The following ARAP2 variants were observed in gnomAD, a reference collection of about 807,000 sequenced individuals.
ARAP2 encodes the protein ArfGAP with RhoGAP domain, ankyrin repeat and PH domain 2, also known as arf-GAP with Rho-GAP domain, ANK repeat and PH domain-containing protein 2.
Under a neutral mutation model 194.5 loss-of-function variants are expected in ARAP2, and 148 were observed. That is an observed-to-expected ratio of 0.76 (90% CI 0.67 to 0.87). ARAP2 has a LOEUF of 0.87. Ranked by LOEUF, ARAP2 falls within the 40% of genes least tolerant of loss-of-function variation. The pLI is 0.00. For synonymous variants in ARAP2, 695 were observed against 683.5 expected (o/e 1.02, Z -0.26); for missense variants, 2,128 against 1,989.7 (o/e 1.07, Z -1.32).
At chr4:36,146,164 C>T (rs944352070) in intron 19 of ARAP2, among the ~76,000 whole-genome samples, 8 of 151,976 alleles carry the variant, frequency 5.3e-5, no homozygotes, top group African/African-American at 1.9e-4. Flanking sequence ...CTTATCTAAT[C>T]CATCAGCAGA....
intron 1 of ARAP2, among the ~76,000 whole-genome samples, chr4:36,230,016 GT>G (rs202171670): frequency 3.3e-5 from 5 of 152,122 alleles, no homozygotes; most frequent in African/African-American, 9.7e-5. Flanking sequence ...ATCAGAAAGG[GT>G]TTTTTTAAAG....
intron 26 of ARAP2, among the ~76,000 whole-genome samples, chr4:36,110,170 T>C (rs141918420): frequency 6.8e-4 from 103 of 151,972 alleles, no homozygotes; most frequent in Non-Finnish European, 1.2e-3. Flanking sequence ...ACTATTATAG[T>C]TAATTTTATT....
chr4:36,235,918 T>C (rs889464051), intron 1 of ARAP2, among the ~76,000 whole-genome samples: 15 of 152,296 alleles, frequency 9.8e-5, no homozygotes, highest in Admixed American at 3.3e-4. Flanking sequence ...GGCTCATGCC[T>C]GTAATTGCAG....
rs553914440 is a variant in ARAP2 at position 36,080,966 on chromosome 4, A to G, written c.4545-687T>C. On this transcript the variant is annotated intron_variant, in intron 30 of 32. Coordinates refer to ENST00000303965, the MANE Select transcript of ARAP2 (RefSeq NM_015230.4). ...GGGGATGAGGAGAGGGTTGTTCTTT[A>G]TAAGAGGAAAATTTTATAATTGATA... Among the ~76,000 whole-genome samples, 22 of 152,278 alleles carry G rather than the reference A, an allele frequency of 1.4e-4. No homozygotes were observed. In the South Asian group the frequency reaches 2.3e-3, roughly 16 times the overall value.
intron 9 of ARAP2, among the ~76,000 whole-genome samples, chr4:36,012,020 G>A (rs755652401): frequency 1.9e-4 from 29 of 152,076 alleles, no homozygotes; most frequent in Admixed American, 1.2e-3. Context: ...ATTGTGGAAT[G>A]ATCATAAAGG....
chr4:36,024,185 G>A (rs1365684974), intron 5 of ARAP2, among the ~76,000 whole-genome samples: 4 of 152,084 alleles, frequency 2.6e-5, no homozygotes, highest in Non-Finnish European at 5.9e-5. Flanking sequence ...AGCAACTATA[G>A]GGTGAATAGC....
intron 11 of ARAP2, among the ~76,000 whole-genome samples, 168 bp downstream of exon 11, chr4:36,164,746 C>T (rs1734874495): frequency 6.6e-6 from 1 of 152,186 alleles, no homozygotes; most frequent in South Asian, 2.1e-4. Context: ...CCAAGTCATA[C>T]ATAAGAGAAG....
chr4:36,115,236 TG>T (rs975646774), intron 25 of ARAP2, among the ~76,000 whole-genome samples: 38 of 152,022 alleles, frequency 2.5e-4, no homozygotes, highest in Non-Finnish European at 5.9e-5. Flanking sequence ...AGTGCTTTTT[TG>T]GAATATAATT....
chr4:36,225,841 T>C (rs1750182151), intron 2 of ARAP2, among the ~76,000 whole-genome samples: 1 of 152,296 alleles, frequency 6.6e-6, no homozygotes, highest in Admixed American at 6.5e-5. Context: ...TCTTTTGGTA[T>C]ATCAAGGAAT....
chr4:36,177,736 T>A, intron 9 of ARAP2, 91 bp downstream of exon 9: 1 of 1,315,772 alleles, frequency 7.6e-7, no homozygotes, highest in Non-Finnish European at 1.0e-6. Context: ...CAAGACTCTA[T>A]AAGTAAAATC....
At chr4:36,205,700 A>G (rs953932749) in intron 6 of ARAP2, among the ~76,000 whole-genome samples, 1 of 152,168 alleles carries the variant, frequency 6.6e-6, no homozygotes, top group African/African-American at 2.4e-5. Flanking sequence ...GATAGTCTTG[A>G]CCTCACACAT....
intron 10 of ARAP2, 38 bp from the exon 11 acceptor site, chr4:36,165,151 T>C (rs1262466508): frequency 6.3e-7 from 1 of 1,598,684 alleles, no homozygotes; most frequent in Non-Finnish European, 8.6e-7. Context: ...CGATCTCCCT[T>C]GTAAAGGCCA....
At chr4:36,158,326 A>G (rs1205457653) in intron 15 of ARAP2, among the ~76,000 whole-genome samples, 3 of 152,114 alleles carry the variant, frequency 2.0e-5, no homozygotes, top group Non-Finnish European at 4.4e-5. Flanking sequence ...GAACTATTTG[A>G]TATTACTTAG....
intron 2 of ARAP2, among the ~76,000 whole-genome samples, chr4:36,218,847 GAATA>G (rs1246244218): frequency 6.6e-6 from 1 of 151,930 alleles, no homozygotes; most frequent in Non-Finnish European, 1.5e-5. Flanking sequence ...TAACTCTTAA[GAATA>G]AATAACACTT....
At chr4:36,072,690 C>A (rs5857470) in intron 32 of ARAP2, among the ~76,000 whole-genome samples, 61,542 of 140,958 alleles carry the variant, frequency 0.44, 13,279 homozygotes, top group East Asian at 0.56. Flanking sequence ...CCAAAAAAAA[C>A]AAAAAAAAAA....
At chr4:36,081,247 A>G (rs1446697230) in intron 30 of ARAP2, among the ~76,000 whole-genome samples, 1 of 152,154 alleles carries the variant, frequency 6.6e-6, no homozygotes, top group African/African-American at 2.4e-5. Context: ...ATCAGAGGTG[A>G]GAGCTATTAG....
chr4:36,007,914 G>A (rs76345442), intron 9 of ARAP2, among the ~76,000 whole-genome samples: 21,349 of 152,000 alleles, frequency 0.14, 2,044 homozygotes, highest in Non-Finnish European at 0.21. Context: ...CAAGTTGAGA[G>A]CCAAATCAAG....
intron 5 of ARAP2, among the ~76,000 whole-genome samples, chr4:36,037,393 C>A (rs1268684986): frequency 6.6e-6 from 1 of 152,084 alleles, no homozygotes; most frequent in Non-Finnish European, 1.5e-5. Context: ...ATTAACTAAG[C>A]CTGAAAGAGG....
intron 19 of ARAP2, among the ~76,000 whole-genome samples, chr4:36,136,785 G>A (rs933850244): frequency 2.7e-5 from 3 of 111,446 alleles, no homozygotes; most frequent in Non-Finnish European, 5.9e-5. Flanking sequence ...TCAAATATAT[G>A]TGTGTGTGTG....
Sources: gnomAD v4.1 joint callset for allele counts (sites outside exome capture counted in the v4.1 genomes callset) on GRCh38, gnomAD v4.1.1 for gene constraint, MANE v1.5 for transcripts, NCBI Gene and HGNC (gene_info 2026-07-23, HGNC 2026-07-21) for gene names.